Variants in TUB observed in about 807,000 individuals in gnomAD.
The protein encoded by TUB is TUB bipartite transcription factor.
A neutral mutation model predicts 59.7 loss-of-function variants in TUB; 33 were observed. The observed-to-expected ratio is 0.55, with a 90% confidence interval of 0.42 to 0.74. The LOEUF (loss-of-function observed/expected upper bound fraction) is 0.74. Among genes scored for constraint, TUB ranks in the 30% least tolerant of loss-of-function variants. The probability of loss-of-function intolerance (pLI) is 0.00; values close to 1 mark genes in which losing one functional copy is unlikely to be tolerated. For missense variants in TUB, 659 were observed against 672.0 expected, an observed-to-expected ratio of 0.98 and a Z score of 0.21; for synonymous variants, 293 against 256.4, an observed-to-expected ratio of 1.14 and a Z score of -1.36.
chr11:8,089,590 A>T lies in TUB; in HGVS notation c.39-20A>T. On this transcript the variant is annotated intron_variant, in intron 1 of 11. Transcript: ENST00000299506. ...GGCACCTCACGGGCAAGCCCTGAAA[A>T]CCCCTCTTTCGCTCTGCAGTGTCTT... 1 of 1,613,644 alleles carries T rather than the reference A, an allele frequency of 6.2e-7. No homozygotes were observed. The highest frequency in any genetic ancestry group is 1.3e-5 in the African/African-American group (1 of 74,898).
Position 8,090,089 on chromosome 11 carries a change from G to A in TUB, c.111G>A (p.Lys37=), listed in dbSNP as rs758202170. Residue 37 remains lysine (K), a synonymous_variant, in exon 3 of 12, where the codon AAG becomes AAA. Transcript: ENST00000299506. ...LDRQRALLEQ[K]QKKKRQEPLM... is the part of the protein sequence containing the mutation. ...CATAGCGGGCCCTGCTGGAGCAGAAGCAGAAGAAGAAGCGCCAGGAGCCCC... is the reference window on the plus strand; with the variant it reads ...CATAGCGGGCCCTGCTGGAGCAGAAACAGAAGAAGAAGCGCCAGGAGCCCC... 2 of 1,610,648 alleles carry A rather than the reference G, an allele frequency of 1.2e-6. No individual in the cohort carries two copies. The highest frequency in any genetic ancestry group is 1.1e-5 in the South Asian group (1 of 90,762).
chr11:8,053,069 T>C (rs1350647551), intron 2 of TUB, among the ~76,000 whole-genome samples: 1 of 152,236 alleles, frequency 6.6e-6, no homozygotes, highest in African/African-American at 2.4e-5. Context: ...GTTCCTAGTT[T>C]ACTAATAAAT....
intron 2 of TUB, among the ~76,000 whole-genome samples, chr11:8,052,324 T>C (rs929825179): frequency 1.3e-5 from 2 of 152,232 alleles, no homozygotes; most frequent in African/African-American, 4.8e-5. Context: ...TCTCCTTTTA[T>C]CAAGGATGTT....
chr11:8,063,227 G>A (rs984508675), intron 2 of TUB, among the ~76,000 whole-genome samples: 6 of 152,218 alleles, frequency 3.9e-5, no homozygotes, highest in Non-Finnish European at 8.8e-5. Context: ...CTGGAGATGA[G>A]CGCACACAAG....
At chr11:8,019,946 C>T (rs1942397971) in intron 1 of TUB, among the ~76,000 whole-genome samples, 1 of 152,150 alleles carries the variant, frequency 6.6e-6, no homozygotes, top group Non-Finnish European at 1.5e-5. Context: ...GCTCCGCGCC[C>T]GCCCCGCGGG....
At chr11:8,098,995 G>A (rs1944134165) in intron 9 of TUB, 120 bp downstream of exon 9, 4 of 772,948 alleles carry the variant, frequency 5.2e-6, no homozygotes, top group Non-Finnish European at 9.0e-6. Context: ...GTGGAGAGGG[G>A]CTGTCCTCTG....
chr11:8,039,016 A>G, exon 1 of TUB: 1 of 1,613,176 alleles, frequency 6.2e-7, no homozygotes, highest in East Asian at 2.2e-5. Context: ...AAACGGGGCC[A>G]CCGAAGAGAT....
chr11:8,106,093 CTT>C lies in TUB; in HGVS notation c.*4476_*4477del, dbSNP rs1266292029. 6.6e-6 allele frequency: 1 copy of C among 152,258 alleles called. No individual in the cohort carries two copies. Among genetic ancestry groups the C allele is most frequent in the Non-Finnish European group, 1.5e-5 (1 of 68,020 alleles). 9.4% of individuals were successfully genotyped at this position (152,258 alleles called of 1,614,324 possible). A position where few individuals can be genotyped will look rare whatever the true frequency, so the allele number is the denominator to read the frequency against. ...TGCTTTTATTGACTTTTTGAATAAACTTTGGTATTCTGGAGCAAATGTATTTA... is the reference window on the plus strand; with the variant it reads ...TGCTTTTATTGACTTTTTGAATAAACTGGTATTCTGGAGCAAATGTATTTA... On this transcript the variant is annotated 3_prime_UTR_variant, in exon 12 of 12. Transcript: ENST00000299506.
chr11:8,100,468 G>A (rs745600482), intron 9 of TUB, 35 bp from the exon 10 acceptor site: 37 of 1,555,824 alleles, frequency 2.4e-5, no homozygotes, highest in African/African-American at 6.8e-5. Context: ...GTAAATAGAC[G>A]CCTCAGGTGG....
intron 1 of TUB, chr11:8,039,549 G>A: frequency 9.3e-7 from 1 of 1,077,034 alleles, no homozygotes; most frequent in Non-Finnish European, 1.3e-6. Flanking sequence ...GGCACTGAAG[G>A]AGGCCTTGAG....
At chr11:8,030,377 C>A (rs1201976062) in intron 1 of TUB, among the ~76,000 whole-genome samples, 1 of 152,218 alleles carries the variant, frequency 6.6e-6, no homozygotes, top group Non-Finnish European at 1.5e-5. Flanking sequence ...GCCTGAGTCT[C>A]AGCTGGGAGA....
At chr11:8,083,096 CT>C (rs1193086535) in intron 1 of TUB, among the ~76,000 whole-genome samples, 1 of 152,216 alleles carries the variant, frequency 6.6e-6, no homozygotes, top group Non-Finnish European at 1.5e-5. Context: ...GGATCCTGGC[CT>C]TTCTTGGCAC....
chr11:8,037,633 G>A (rs1942666758), upstream of TUB, among the ~76,000 whole-genome samples: 1 of 152,178 alleles, frequency 6.6e-6, no homozygotes, highest in Non-Finnish European at 1.5e-5. Flanking sequence ...CATGGCTGAG[G>A]ATGGACATGG....
intron 1 of TUB, among the ~76,000 whole-genome samples, chr11:8,039,317 C>G (rs1589926255): frequency 6.6e-6 from 1 of 152,304 alleles, no homozygotes; most frequent in East Asian, 1.9e-4. Context: ...TCCGGCAGCT[C>G]CACACTCCGG....
intron 2 of TUB, chr11:8,075,982 G>C (rs754644424): frequency 1.3e-5 from 2 of 152,188 alleles, no homozygotes; most frequent in African/African-American, 2.4e-5. Context: ...CCCATCGCTG[G>C]AGTCTCACCC....
At chr11:8,058,877 A>G (rs1943069807) in intron 2 of TUB, among the ~76,000 whole-genome samples, 1 of 152,216 alleles carries the variant, frequency 6.6e-6, no homozygotes, top group Non-Finnish European at 1.5e-5. Context: ...AATAAAGAAT[A>G]TTGGATATTT....
intron 1 of TUB, among the ~76,000 whole-genome samples, chr11:8,085,733 C>T (rs1943653547): frequency 6.6e-6 from 1 of 152,194 alleles, no homozygotes; most frequent in South Asian, 2.1e-4. Context: ...TCCCTGACCC[C>T]TGGGCCTCTG....
chr11:8,023,773 A>G (rs377116420), intron 1 of TUB, among the ~76,000 whole-genome samples: 1 of 152,334 alleles, frequency 6.6e-6, no homozygotes, highest in East Asian at 1.9e-4. Flanking sequence ...ATAAAAGGAA[A>G]AGATCTATGT....
upstream of TUB, chr11:8,076,801 T>C (rs764932169): frequency 6.6e-6 from 1 of 152,250 alleles, no homozygotes; most frequent in Non-Finnish European, 1.5e-5. Flanking sequence ...CTGTAGATTA[T>C]GCTTTTGTGT....
Sources: allele counts gnomAD v4.1 joint callset (sites outside exome capture counted in the v4.1 genomes callset), GRCh38; gene constraint gnomAD v4.1.1; transcripts MANE v1.5; gene names NCBI Gene and HGNC (gene_info 2026-07-23, HGNC 2026-07-21).